NEK1: variants seen among roughly 807,000 people sequenced by gnomAD.
NEK1 encodes serine/threonine-protein kinase Nek1.
NEK1 carries 137 observed loss-of-function variants against 182.1 expected under a neutral mutation model. The observed-to-expected ratio is 0.75, with a 90% CI of 0.65 to 0.87. The LOEUF (loss-of-function observed/expected upper bound fraction) is 0.87, where lower values mean the gene tolerates loss of function less well. Among genes scored for constraint, NEK1 ranks in the 40% least tolerant of loss-of-function variants. NEK1 has a pLI of 0.00. For missense variants in NEK1, 1,391 were observed against 1,494.4 expected, an observed-to-expected ratio of 0.93 and a Z score of 1.14; for synonymous variants, 513 against 492.2, an observed-to-expected ratio of 1.04 and a Z score of -0.56.
intron 27 of NEK1, among the ~76,000 whole-genome samples, chr4:169,447,922 T>C (rs145170757): frequency 6.6e-6 from 1 of 152,150 alleles, no homozygotes; most frequent in African/African-American, 2.4e-5. Flanking sequence ...TGATGGCTTA[T>C]GCCTGTAATC....
chr4:169,449,897 T>C (rs1174788177), intron 27 of NEK1, among the ~76,000 whole-genome samples: 1 of 152,158 alleles, frequency 6.6e-6, no homozygotes, highest in African/African-American at 2.4e-5. Flanking sequence ...AAGGAGGATG[T>C]TTGAACTCAT....
rs4396956 is a variant in NEK1 at position 169,523,597 on chromosome 4, T to C, written c.1665+14212A>G. Among the ~76,000 whole-genome samples, 7 of 152,370 alleles carry C rather than the reference T, an allele frequency of 4.6e-5. No individual in the cohort carries two copies. The South Asian group carries it at 6.2e-4, about 14-fold the overall frequency. On this transcript the variant is annotated intron_variant, in intron 19 of 35. Coordinates refer to ENST00000507142, the MANE Select transcript of NEK1 (RefSeq NM_001199397.3). ...GCTGACACACTGATCTTGGACTTCT[T>C]GCCCTGAAAACTCTGAGATAATAAA...
At position 169,555,922 on chromosome 4, in the gene NEK1, A is replaced by G. The variant is rs754263630; in HGVS notation, c.1430+10T>C. On this transcript the variant is annotated intron_variant, in intron 17 of 35. Coordinates refer to ENST00000507142, the MANE Select transcript of NEK1 (RefSeq NM_001199397.3). The stretch of plus-strand genomic sequence containing the variant: ...AAAGCATAAGCAACTTCTGCAGAAC[A>G]TAGCCATACCTTTCTGGAAGACCTC... 4.3e-6 allele frequency: 7 copies of G among 1,613,366 alleles called. No individual in the cohort carries two copies. In the East Asian group the frequency reaches 1.1e-4, roughly 26 times the overall value.
chr4:169,586,202 A>G (rs1767506141), intron 9 of NEK1, among the ~76,000 whole-genome samples: 1 of 152,078 alleles, frequency 6.6e-6, no homozygotes, highest in Non-Finnish European at 1.5e-5. Context: ...GGGCAATATT[A>G]AGCTTTTGAT....
At chr4:169,521,430 G>A (rs955796609) in intron 19 of NEK1, among the ~76,000 whole-genome samples, 10 of 149,120 alleles carry the variant, frequency 6.7e-5, no homozygotes, top group South Asian at 2.2e-4. Flanking sequence ...AGATGAACCC[G>A]GTACCTCAGA....
At chr4:169,506,481 G>C (rs1023367565) in intron 23 of NEK1, 1 of 152,126 alleles carries the variant, frequency 6.6e-6, no homozygotes, top group Non-Finnish European at 1.5e-5. Context: ...AGGGCCGGGC[G>C]TGGTGGCTCA....
chr4:169,567,588 C>G (rs1056083970), intron 12 of NEK1, among the ~76,000 whole-genome samples: 1 of 152,044 alleles, frequency 6.6e-6, no homozygotes, highest in African/African-American at 2.4e-5. Flanking sequence ...TTACTAGAGA[C>G]GGGGTTTTAC....
In NEK1 at chr4:169,589,481, G is replaced by A. The variant is rs183347149; in HGVS notation, c.430C>T (p.Leu144Phe). The A allele has an allele frequency of 1.2e-5, 18 of 1,511,822 alleles. No individual in the cohort carries two copies. Among genetic ancestry groups the A allele is most frequent in the Non-Finnish European group, 1.8e-6 (2 of 1,118,128 alleles). 93.7% of individuals were successfully genotyped at this position (1,511,822 alleles called of 1,614,324 possible). Residue 144 changes from leucine (L) to phenylalanine (F), a missense_variant, in exon 7 of 36, where the codon CTT (leucine) becomes TTT (phenylalanine). By Grantham distance (22) the Leu-to-Phe change is conservative (BLOSUM62 0). This residue lies in a region of NEK1 where 116 missense variants were observed against 114.5 expected (regional missense o/e 1.01). Transcript: ENST00000507142. ...IFLTKDGTVQ[L>F]GDFGIARVLN... ...ACTCTAGCAATTCCAAAATCTCCAA[G>A]TTGTACTGTTCCATCTTTAGTTAAA...
intron 11 of NEK1, among the ~76,000 whole-genome samples, chr4:169,578,134 T>C (rs1359720702): frequency 6.6e-6 from 1 of 152,192 alleles, no homozygotes; most frequent in African/African-American, 2.4e-5. Flanking sequence ...TAACCCTTAA[T>C]GAAGCCTAGA....
chr4:169,507,296 C>T (rs1040597225), intron 22 of NEK1, among the ~76,000 whole-genome samples, 164 bp from the exon 23 acceptor site: 3 of 150,310 alleles, frequency 2.0e-5, no homozygotes, highest in African/African-American at 7.3e-5. Context: ...ATCTCTAGCA[C>T]CTAAAACCAG....
rs9993493 is a variant in NEK1 at position 169,587,435 on chromosome 4, T to C, written c.606+124A>G. On this transcript the variant is annotated intron_variant, in intron 9 of 35. Transcript: ENST00000507142. ...TCAGAAAAAATGAGAAATTCAAAAA[T>C]GGACTTAGAGGAGAATTTCTAGGAT... The C allele has an allele frequency of 0.21, 112,636 of 537,656 alleles. 15,901 individuals are homozygous for C. The highest frequency in any genetic ancestry group is 0.57 in the African/African-American group (28,387 of 49,392). 33.3% of individuals were successfully genotyped at this position (537,656 alleles called of 1,614,324 possible). A position where few individuals can be genotyped will look rare whatever the true frequency, so the allele number is the denominator to read the frequency against.
At chr4:169,406,135 T>C (rs1732555163) in intron 32 of NEK1, among the ~76,000 whole-genome samples, 1 of 140,264 alleles carries the variant, frequency 7.1e-6, no homozygotes, top group Non-Finnish European at 1.6e-5. Context: ...AGATGGTGTC[T>C]CACTATGTTG....
At chr4:169,566,399 A>C (rs191602839) in intron 12 of NEK1, among the ~76,000 whole-genome samples, 1 of 152,340 alleles carries the variant, frequency 6.6e-6, no homozygotes, top group African/African-American at 2.4e-5. Context: ...GAAGAGAATA[A>C]TACGAAACAC....
At chr4:169,580,459 T>C (rs1766434597) in intron 11 of NEK1, among the ~76,000 whole-genome samples, 1 of 130,790 alleles carries the variant, frequency 7.6e-6, no homozygotes, top group Middle Eastern at 5.5e-3. Flanking sequence ...ATTGTGCCAC[T>C]GCGCTCCAGC....
rs1183667343 is a variant in NEK1, at chr4:169,507,200, TGGG to T, written c.1912-71_1912-69del. 129 of 655,830 alleles carry T rather than the reference TGGG, an allele frequency of 2.0e-4. No homozygotes were observed. In the African/African-American group the frequency reaches 2.3e-3, roughly 12 times the overall value. The allele number at this position is 655,830 out of a possible 1,614,324, so 40.6% of individuals were successfully genotyped here. A position where few individuals can be genotyped will look rare whatever the true frequency, so the allele number is the denominator to read the frequency against. On this transcript the variant is annotated intron_variant, in intron 22 of 35. Coordinates refer to ENST00000507142, the MANE Select transcript of NEK1 (RefSeq NM_001199397.3). ...GGGCAGAGGTTTTTTTTTTTTTTTT[TGGG>T]CCAGGTCTATGAAGATATTTACTTA...
chr4:169,542,167 C>A (rs557960048), intron 18 of NEK1, among the ~76,000 whole-genome samples: 5 of 152,268 alleles, frequency 3.3e-5, no homozygotes, highest in Admixed American at 6.5e-5. Flanking sequence ...CTATCCATCC[C>A]CTAGCCCCCG....
chr4:169,434,451 G>A (rs1738023916), intron 28 of NEK1, among the ~76,000 whole-genome samples: 2 of 152,066 alleles, frequency 1.3e-5, no homozygotes, highest in African/African-American at 4.8e-5. Context: ...GACCTCAAGT[G>A]ATCCACCTGC....
At chr4:169,580,494 CAAAA>C (rs11348370) in intron 11 of NEK1, among the ~76,000 whole-genome samples, 5 of 65,842 alleles carry the variant, frequency 7.6e-5, no homozygotes, top group African/African-American at 2.2e-4. Flanking sequence ...AACTTCATCT[CAAAA>C]AAAAAAAAAA....
intron 18 of NEK1, among the ~76,000 whole-genome samples, chr4:169,540,885 C>G (rs553665946): frequency 5.9e-4 from 89 of 150,538 alleles, no homozygotes; most frequent in African/African-American, 2.1e-3. Flanking sequence ...TTTTTTTTAG[C>G]CCTGACAAGA....
Sources: allele counts gnomAD v4.1 joint callset (sites outside exome capture counted in the v4.1 genomes callset), GRCh38; gene constraint gnomAD v4.1.1; regional missense constraint gnomAD v4.1.1; transcripts MANE v1.5; gene names NCBI Gene and HGNC (gene_info 2026-07-23, HGNC 2026-07-21).